SLIT3: variants seen among roughly 807,000 people sequenced by gnomAD.
SLIT3 encodes the protein slit homolog 3 protein.
In SLIT3, 68 loss-of-function variants were observed where a neutral mutation model predicts 184.0. That is an observed-to-expected ratio of 0.37 (90% CI 0.30 to 0.45). SLIT3 has a LOEUF of 0.45. Among genes scored for constraint, SLIT3 ranks in the 20% least tolerant of loss-of-function variants. The probability of loss-of-function intolerance (pLI) is 1.00; values close to 1 mark genes in which losing one functional copy is unlikely to be tolerated. For synonymous variants in SLIT3, 831 were observed against 828.6 expected, an observed-to-expected ratio of 1.00 and a Z score of -0.05; for missense variants, 1,707 against 2,026.0, an observed-to-expected ratio of 0.84 and a Z score of 3.02.
At chr5:169,276,781 TG>T (rs769606536) in intron 1 of SLIT3, among the ~76,000 whole-genome samples, 17 of 152,230 alleles carry the variant, frequency 1.1e-4, no homozygotes, top group Non-Finnish European at 2.4e-4. Context: ...TACTATAGGC[TG>T]GGCTGTGCGC....
At position 168,684,056 on chromosome 5, in the gene SLIT3, C is replaced by T. The variant is rs1421393511; in HGVS notation, c.3596G>A (p.Gly1199Glu). 1.2e-6 allele frequency: 2 copies of T among 1,608,082 alleles called. No individual in the cohort carries two copies. Among genetic ancestry groups the T allele is most frequent in the Non-Finnish European group, 1.7e-6 (2 of 1,176,960 alleles). The change falls in exon 32 of 36, where the codon GGA becomes GAA. Residue 1199 changes from glycine to glutamate, a missense_variant. Gly to Glu is a moderately conservative substitution (Grantham distance 98, BLOSUM62 -2). Transcript: ENST00000519560. The stretch of plus-strand genomic sequence containing the variant: ...CTCCAGTGCCAGGGGGTCATTGTCT[C>T]CTTTGTAGAGAAGGATGCCGTTGTC... Reference protein sequence around the residue: ...DKDNGILLYKGDNDPLALELY... With the variant: ...DKDNGILLYKEDNDPLALELY...
intron 1 of SLIT3, among the ~76,000 whole-genome samples, chr5:169,257,709 C>T (rs1274624579): frequency 4.0e-5 from 6 of 151,806 alleles, no homozygotes; most frequent in South Asian, 4.2e-4. Flanking sequence ...CCTGCCACCA[C>T]GCCTGGCTAA....
chr5:168,972,337 A>ATATGTGTGTGTGTGTGTGTGTGTGTG, intron 4 of SLIT3, among the ~76,000 whole-genome samples: 1 of 118,332 alleles, frequency 8.5e-6, no homozygotes, highest in East Asian at 2.5e-4. Flanking sequence ...GCAGGACAAC[A>ATATGTGTGTGTGTGTGTGTGTGTGTG]TGTGTGTGTG....
chr5:168,993,230 C>A (rs1277769026), intron 4 of SLIT3, among the ~76,000 whole-genome samples: 1 of 152,328 alleles, frequency 6.6e-6, no homozygotes, highest in East Asian at 1.9e-4. Flanking sequence ...CAGCCAAGCG[C>A]AGAATAGCCA....
intron 14 of SLIT3, among the ~76,000 whole-genome samples, chr5:168,771,437 G>C (rs576496570): frequency 1.3e-5 from 2 of 152,318 alleles, no homozygotes; most frequent in South Asian, 4.1e-4. Context: ...TGCCTCCGCT[G>C]TTTGCTGGCT....
chr5:168,807,406 A>T (rs1221028671), intron 8 of SLIT3, among the ~76,000 whole-genome samples: 2 of 152,194 alleles, frequency 1.3e-5, no homozygotes, highest in African/African-American at 4.8e-5. Context: ...GTAAATGCAA[A>T]TGTTTTAAGG....
chr5:168,975,533 G>A (rs1041468406), intron 4 of SLIT3, among the ~76,000 whole-genome samples: 47 of 151,884 alleles, frequency 3.1e-4, no homozygotes, highest in African/African-American at 9.7e-4. Context: ...ACATGGGCAC[G>A]TATCTATATA....
At position 168,728,936 on chromosome 5, in the gene SLIT3, CA is replaced by C. The variant is rs532015839; in HGVS notation, c.2271-4453del. ...CTGTCTCAAAAAAAAACCAAAGAAACAAAAAAAAAAGCCAACTGAGAAATTC... is the reference window on the plus strand; with the variant it reads ...CTGTCTCAAAAAAAAACCAAAGAAACAAAAAAAAAGCCAACTGAGAAATTC... On this transcript the variant is annotated intron_variant, in intron 20 of 35. Coordinates refer to ENST00000519560, the MANE Select transcript of SLIT3 (RefSeq NM_003062.4). Among the ~76,000 whole-genome samples, 21 of 140,366 alleles carry C rather than the reference CA, an allele frequency of 1.5e-4. No homozygotes were observed. In the East Asian group the frequency reaches 1.7e-3, roughly 11 times the overall value. The allele number at this position is 140,366 out of a possible 152,430, so 92.1% of individuals were successfully genotyped here.
At chr5:169,005,113 T>C (rs571460411) in intron 4 of SLIT3, among the ~76,000 whole-genome samples, 47 of 152,322 alleles carry the variant, frequency 3.1e-4, no homozygotes, top group African/African-American at 1.0e-3. Context: ...GTATTTTTTA[T>C]TAAGTTATGC....
At chr5:168,760,597 G>C (rs914228747) in intron 16 of SLIT3, among the ~76,000 whole-genome samples, 2 of 152,116 alleles carry the variant, frequency 1.3e-5, no homozygotes, top group Non-Finnish European at 2.9e-5. Context: ...GTGTAGGGGT[G>C]GGGTGAGCAG....
At chr5:169,046,641 T>C (rs1384184453) in intron 4 of SLIT3, among the ~76,000 whole-genome samples, 1 of 152,150 alleles carries the variant, frequency 6.6e-6, no homozygotes, top group Non-Finnish European at 1.5e-5. Context: ...CACATTCCTT[T>C]TGGGCGCTGG....
At chr5:169,091,961 C>G (rs1049840595) in intron 4 of SLIT3, among the ~76,000 whole-genome samples, 2 of 152,132 alleles carry the variant, frequency 1.3e-5, no homozygotes, top group Non-Finnish European at 2.9e-5. Flanking sequence ...GTGGCTCGTG[C>G]CTGTAATCCC....
chr5:168,951,170 A>G (rs905071412), intron 4 of SLIT3, among the ~76,000 whole-genome samples: 8 of 152,226 alleles, frequency 5.3e-5, no homozygotes, highest in African/African-American at 1.2e-4. Flanking sequence ...CAGTGAGCCA[A>G]GATTGCACCA....
intron 10 of SLIT3, chr5:168,792,314 G>A (rs561519170): frequency 1.8e-4 from 28 of 152,366 alleles, no homozygotes; most frequent in African/African-American, 6.3e-4. Flanking sequence ...CAAACCTCAC[G>A]AGGGTGTAGA....
intron 4 of SLIT3, among the ~76,000 whole-genome samples, chr5:169,025,865 C>G (rs1346038783): frequency 1.3e-5 from 2 of 152,152 alleles, no homozygotes; most frequent in East Asian, 3.8e-4. Context: ...TTTGTATTAT[C>G]TGTTACTACC....
intron 4 of SLIT3, among the ~76,000 whole-genome samples, chr5:168,969,581 TCAA>T (rs997349413): frequency 1.6e-4 from 24 of 152,318 alleles, no homozygotes; most frequent in African/African-American, 4.8e-4. Flanking sequence ...CATAAAGCTA[TCAA>T]CAAGAAAAGC....
chr5:169,218,943 T>G (rs1478172073), intron 3 of SLIT3, among the ~76,000 whole-genome samples: 1 of 152,180 alleles, frequency 6.6e-6, no homozygotes, highest in Non-Finnish European at 1.5e-5. Context: ...ACTGAAATGT[T>G]GGGAGGCTCC....
chr5:169,244,578 T>C, intron 3 of SLIT3, 127 bp downstream of exon 3: 1 of 723,990 alleles, frequency 1.4e-6, no homozygotes, highest in Non-Finnish European at 2.4e-6. Context: ...TAGCAAACAT[T>C]CTATTTAAAC....
chr5:169,268,251 C>T (rs1004019738), intron 1 of SLIT3, among the ~76,000 whole-genome samples: 21 of 152,180 alleles, frequency 1.4e-4, no homozygotes, highest in Non-Finnish European at 2.9e-4. Context: ...CAACTTGGTG[C>T]TAACACCATG....
Sources: gnomAD v4.1 joint callset for allele counts (sites outside exome capture counted in the v4.1 genomes callset) on GRCh38, gnomAD v4.1.1 for gene constraint, MANE v1.5 for transcripts, NCBI Gene and HGNC (gene_info 2026-07-23, HGNC 2026-07-21) for gene names.